GLG1: variants seen among roughly 807,000 people sequenced by gnomAD.
The protein encoded by GLG1 is Golgi apparatus protein 1.
Under a neutral mutation model 160.5 loss-of-function variants are expected in GLG1, and 38 were observed. That is an observed-to-expected ratio of 0.24 (90% CI 0.18 to 0.31). The LOEUF (loss-of-function observed/expected upper bound fraction) is 0.31, where lower values mean the gene tolerates loss of function less well. GLG1 is among the 10% of genes least tolerant of loss of function. The pLI is 1.00. For synonymous variants in GLG1, 644 were observed against 543.4 expected, an observed-to-expected ratio of 1.19 and a Z score of -2.57; for missense variants, 1,373 against 1,505.2, an observed-to-expected ratio of 0.91 and a Z score of 1.45.
intron 1 of GLG1, among the ~76,000 whole-genome samples, chr16:74,553,888 C>G (rs1036111458): frequency 6.6e-6 from 1 of 152,174 alleles, no homozygotes; most frequent in African/African-American, 2.4e-5. Context: ...CACTGCATAT[C>G]CAAACTCCAT....
intron 9 of GLG1, 101 bp downstream of exon 9, chr16:74,485,695 G>C: frequency 9.4e-7 from 1 of 1,068,114 alleles, no homozygotes; most frequent in Non-Finnish European, 1.4e-6. Flanking sequence ...CAAAATTTCA[G>C]TTAAGATGTC....
intron 3 of GLG1, among the ~76,000 whole-genome samples, chr16:74,505,191 C>A (rs549682646): frequency 6.6e-6 from 1 of 152,312 alleles, no homozygotes; most frequent in Admixed American, 6.5e-5. Flanking sequence ...GGACACACCA[C>A]CGAGGAATTA....
intron 19 of GLG1, among the ~76,000 whole-genome samples, chr16:74,464,398 G>A (rs1400531382): frequency 2.6e-5 from 4 of 152,198 alleles, no homozygotes; most frequent in East Asian, 1.9e-4. Context: ...GCAGTAAAGG[G>A]TAGGGTCCTG....
At chr16:74,547,857 G>C (rs2018091698) in intron 1 of GLG1, among the ~76,000 whole-genome samples, 1 of 152,180 alleles carries the variant, frequency 6.6e-6, no homozygotes. Context: ...TTGATATAAA[G>C]TATTCATTTA....
chr16:74,517,479 G>A lies in GLG1; in HGVS notation c.472-8554C>T, dbSNP rs184145067. Among the ~76,000 whole-genome samples the A allele has an allele frequency of 1.2e-4, 19 of 152,186 alleles. 1 individual carries two copies. The East Asian group carries it at 3.7e-3, about 29-fold the overall frequency. On this transcript the variant is annotated intron_variant, in intron 2 of 25. Transcript: ENST00000422840. Reference sequence around the variant, plus strand: ...GATTATCACAATAGATGCAGAAAAGGCCTTTGACAAACTTCAACAGCCTTG... The same window carrying A: ...GATTATCACAATAGATGCAGAAAAGACCTTTGACAAACTTCAACAGCCTTG...
chr16:74,459,290 AAC>A (rs1012180223), intron 23 of GLG1, among the ~76,000 whole-genome samples: 1 of 152,150 alleles, frequency 6.6e-6, no homozygotes, highest in Non-Finnish European at 1.5e-5. Context: ...CATTCTGGCT[AAC>A]ACAGTGAACC....
At chr16:74,583,438 T>G (rs907146011) in intron 1 of GLG1, among the ~76,000 whole-genome samples, 12 of 152,178 alleles carry the variant, frequency 7.9e-5, no homozygotes, top group Non-Finnish European at 1.5e-4. Context: ...TGGAGTGCAA[T>G]AGCGTGATCT....
At chr16:74,463,614 C>T (rs1567458400) in intron 19 of GLG1, 135 bp from the exon 20 acceptor site, 1 of 797,138 alleles carries the variant, frequency 1.3e-6, no homozygotes, top group Non-Finnish European at 2.0e-6. Context: ...ATTCGGCTTA[C>T]TGCAACCTCC....
At chr16:74,572,289 T>A (rs903558479) in intron 1 of GLG1, among the ~76,000 whole-genome samples, 20 of 152,054 alleles carry the variant, frequency 1.3e-4, no homozygotes, top group African/African-American at 4.8e-4. Flanking sequence ...AATGGGTGGA[T>A]CACCTGAGGT....
rs781770279 is a variant in GLG1, at chr16:74,449,566, G to C, written c.*3601C>G. 3 of 152,186 alleles carry C rather than the reference G, an allele frequency of 2.0e-5. No homozygotes were observed. Among genetic ancestry groups the C allele is most frequent in the African/African-American group, 4.8e-5 (2 of 41,444 alleles). The allele number at this position is 152,186 out of a possible 1,614,324, so 9.4% of individuals were successfully genotyped here. ...AGTAACTTTCTGTAGCATCTTCAGG[G>C]AAAGCTGTCTCTTCACCAGGATGCA... On this transcript the variant is annotated 3_prime_UTR_variant, in exon 26 of 26. Transcript: ENST00000422840.
At position 74,502,010 on chromosome 16, in the gene GLG1, T is replaced by C. The variant is rs146459983; in HGVS notation, c.774+1521A>G. ...CAGGGCTTTGGTGACAGCCAGACAA[T>C]ACACAGCAAGAAACCCTTCATTTGA... On this transcript the variant is annotated intron_variant, in intron 4 of 25. Coordinates refer to ENST00000422840, the MANE Select transcript of GLG1 (RefSeq NM_001145667.2). 1.8e-3 allele frequency among the ~76,000 whole-genome samples: 274 copies of C among 152,304 alleles called. 9 individuals carry two copies. In the East Asian group the frequency reaches 0.048, roughly 27 times the overall value.
intron 1 of GLG1, among the ~76,000 whole-genome samples, chr16:74,534,083 T>C (rs1009573500): frequency 1.3e-5 from 2 of 152,158 alleles, no homozygotes; most frequent in African/African-American, 4.8e-5. Context: ...TTACAACATA[T>C]ATTAAAATTG....
chr16:74,521,158 T>C (rs1043704746), intron 2 of GLG1, among the ~76,000 whole-genome samples: 10 of 152,226 alleles, frequency 6.6e-5, no homozygotes, highest in African/African-American at 1.2e-4. Context: ...ATCTGAAGAA[T>C]AGCAAGGAGG....
At chr16:74,464,261 G>A (rs1407766178) in intron 19 of GLG1, among the ~76,000 whole-genome samples, 4 of 152,152 alleles carry the variant, frequency 2.6e-5, no homozygotes, top group South Asian at 2.1e-4. Context: ...TGGCTGTACA[G>A]CCCTCAAGCC....
At chr16:74,472,555 G>T in intron 13 of GLG1, 144 bp from the exon 14 acceptor site, 1 of 1,475,884 alleles carries the variant, frequency 6.8e-7, no homozygotes, top group South Asian at 1.2e-5. Flanking sequence ...ATTTGAAGTA[G>T]ATAGCCCCAG....
Position 74,606,723 on chromosome 16 carries a change from G to A in GLG1, c.372C>T (p.Arg124=), listed in dbSNP as rs1422779269. The A allele has an allele frequency of 6.2e-7, 1 of 1,612,564 alleles. No homozygotes were observed. The highest frequency in any genetic ancestry group is 8.5e-7 in the Non-Finnish European group (1 of 1,179,032). The change falls in exon 1 of 26, where the codon CGC becomes CGT. Residue 124 remains arginine (R), a synonymous_variant. Transcript: ENST00000422840. ...TGCTCCAGGTGTGCTTAGGGCACACGCGGGTCACGTCCTCCCTGCAGGACT... is the reference window on the plus strand; with the variant it reads ...TGCTCCAGGTGTGCTTAGGGCACACACGGGTCACGTCCTCCCTGCAGGACT... ...EEESCREDVT[R]VCPKHTWSNN...
rs759013959 is a variant in GLG1, at chr16:74,462,673, G to C, written c.2792-43C>G. 2.5e-6 allele frequency: 4 copies of C among 1,595,754 alleles called. No individual in the cohort carries two copies. The South Asian group carries it at 4.4e-5, about 18-fold the overall frequency. On this transcript the variant is annotated intron_variant, in intron 20 of 25. Transcript: ENST00000422840. ...GAGCATGTGACAAAACATTCCACCT[G>C]ATTCACACATTTTTAGATATCCACC...
At chr16:74,601,270 C>G (rs973924310) in intron 1 of GLG1, among the ~76,000 whole-genome samples, 1 of 151,916 alleles carries the variant, frequency 6.6e-6, no homozygotes, top group South Asian at 2.1e-4. Flanking sequence ...ATAAGTTAGA[C>G]AGCAGAGATC....
chr16:74,506,767 G>C (rs1272324368), intron 3 of GLG1, among the ~76,000 whole-genome samples: 1 of 152,066 alleles, frequency 6.6e-6, no homozygotes, highest in Non-Finnish European at 1.5e-5. Context: ...AGAATGAGAA[G>C]TTTGCATGTT....
Sources: allele counts gnomAD v4.1 joint callset (sites outside exome capture counted in the v4.1 genomes callset), GRCh38; gene constraint gnomAD v4.1.1; transcripts MANE v1.5; gene names NCBI Gene and HGNC (gene_info 2026-07-23, HGNC 2026-07-21).